VWF: variants seen among roughly 807,000 people sequenced by gnomAD.
The protein encoded by VWF is Factor VIII related antigen.
A neutral mutation model predicts 308.6 loss-of-function variants in VWF; 176 were observed. That is an observed-to-expected ratio of 0.57 (90% CI 0.50 to 0.65). VWF has a LOEUF of 0.65. Among genes scored for constraint, VWF ranks in the 30% least tolerant of loss-of-function variants. The pLI is 0.00. For missense variants in VWF, 3,146 were observed against 3,648.2 expected, an observed-to-expected ratio of 0.86 and a Z score of 3.55; for synonymous variants, 1,385 against 1,443.4, an observed-to-expected ratio of 0.96 and a Z score of 0.92.
intron 42 of VWF, among the ~76,000 whole-genome samples, chr12:5,980,040 CAAA>C (rs746870090): frequency 1.4e-5 from 1 of 69,950 alleles, no homozygotes. Context: ...GACTCCATCT[CAAA>C]AAAAAAAAAG....
intron 50 of VWF, among the ~76,000 whole-genome samples, chr12:5,950,089 A>AACTC (rs1943166684): frequency 6.6e-6 from 1 of 152,204 alleles, no homozygotes; most frequent in Admixed American, 6.5e-5. Flanking sequence ...TGCTGGACTT[A>AACTC]ACTCACTTAA....
chr12:6,043,806 T>C (rs1944417634), intron 18 of VWF, among the ~76,000 whole-genome samples: 1 of 152,232 alleles, frequency 6.6e-6, no homozygotes, highest in African/African-American at 2.4e-5. Flanking sequence ...AGTTTCATTG[T>C]GGGGAAGAGA....
Position 6,060,778 on chromosome 12 carries a change from C to T in VWF, c.1533+2176G>A, listed in dbSNP as rs899554898. On this transcript the variant is annotated intron_variant, in intron 13 of 51. Transcript: ENST00000261405. This position sits in a 1 kb window ranked among gnomAD's most constrained non-coding sequence, Gnocchi z 5.1. ...GCTTCTCTTCTCCTCAGGGGAGAGACAAAGACCAAAGAAACCTGAGGGGAG... is the reference window on the plus strand; with the variant it reads ...GCTTCTCTTCTCCTCAGGGGAGAGATAAAGACCAAAGAAACCTGAGGGGAG... Among the ~76,000 whole-genome samples, 2 of 152,056 alleles carry T rather than the reference C, an allele frequency of 1.3e-5. No homozygotes were observed. Among genetic ancestry groups the T allele is most frequent in the African/African-American group, 2.4e-5 (1 of 41,394 alleles).
chr12:6,054,447 A>C (rs1168186893), intron 15 of VWF, among the ~76,000 whole-genome samples: 1 of 152,214 alleles, frequency 6.6e-6, no homozygotes, highest in Admixed American at 6.5e-5. Context: ...TAGACTTGAG[A>C]ACTTTCTTTG....
chr12:6,123,050 T>C (rs1945448236), intron 2 of VWF, 92 bp downstream of exon 2: 1 of 1,523,416 alleles, frequency 6.6e-7, no homozygotes, highest in South Asian at 1.1e-5. Context: ...GGCACACAGG[T>C]GAGCTCCAGA....
chr12:6,115,333 C>A (rs117091936), intron 3 of VWF, among the ~76,000 whole-genome samples: 222 of 152,308 alleles, frequency 1.5e-3, no homozygotes, highest in Non-Finnish European at 2.1e-3. Context: ...GTAACTGTGT[C>A]CAGCCTGGCA....
At chr12:5,977,064 C>A (rs1943541643) in intron 42 of VWF, among the ~76,000 whole-genome samples, 1 of 152,214 alleles carries the variant, frequency 6.6e-6, no homozygotes. Flanking sequence ...TATCATTTAT[C>A]TTCTCAGTCT....
chr12:6,064,355 G>A lies in VWF; in HGVS notation c.1323C>T (p.Thr441=). 1 of 1,614,106 alleles carries A rather than the reference G, an allele frequency of 6.2e-7. No individual in the cohort carries two copies. Among genetic ancestry groups the A allele is most frequent in the Non-Finnish European group, 8.5e-7 (1 of 1,180,032 alleles). Residue 441 remains threonine, a synonymous_variant, in exon 12 of 52, where the codon ACC becomes ACT. Coordinates refer to ENST00000261405, the MANE Select transcript of VWF (RefSeq NM_000552.5). ...CAGGCAGCCGGACGGTGACGGAGCG[G>A]GTGCACACAGCGTCGCGGTCATCAG... ...QCADDRDAVC[T]RSVTVRLPGL...
chr12:6,011,814 A>T lies in VWF; in HGVS notation c.5665-20T>A. 1 of 1,579,836 alleles carries T rather than the reference A, an allele frequency of 6.3e-7. No individual in the cohort carries two copies. The highest frequency in any genetic ancestry group is 8.7e-7 in the Non-Finnish European group (1 of 1,150,352). On this transcript the variant is annotated intron_variant, in intron 33 of 51. Transcript: ENST00000261405. ...CCCGGGCTGCAGAAGAAAACAGCAG[A>T]TTCAGGCAGGGAATAAGATGAGGTA...
intron 5 of VWF, among the ~76,000 whole-genome samples, chr12:6,108,760 T>C (rs1945271613): frequency 6.6e-6 from 1 of 151,988 alleles, no homozygotes; most frequent in African/African-American, 2.4e-5. Flanking sequence ...GGGGGGCAGA[T>C]CACGAGGTCA....
chr12:5,958,170 G>C (rs1943270993), intron 47 of VWF, among the ~76,000 whole-genome samples: 1 of 152,082 alleles, frequency 6.6e-6, no homozygotes, highest in Admixed American at 6.5e-5. Flanking sequence ...AACAGAACAA[G>C]TAACAAAGAA....
At position 6,016,595 on chromosome 12, in the gene VWF, T is replaced by C. The variant is rs944845414; in HGVS notation, c.5232A>G (p.Pro1744=). ...QYGSITTIDV[P]WNVVPEKAHL... ...GGGCTTTCTCCGGGACCACGTTCCA[T>C]GGCACGTCAATGGTGGTGATGCTTC... Residue 1744 remains proline (P), a synonymous_variant, in exon 30 of 52, where the codon CCA becomes CCG. Coordinates refer to ENST00000261405, the MANE Select transcript of VWF (RefSeq NM_000552.5). The C allele has an allele frequency of 9.3e-6, 15 of 1,614,080 alleles. No homozygotes were observed. The highest frequency in any genetic ancestry group is 1.7e-5 in the Admixed American group (1 of 60,000).
chr12:5,966,648 T>G (rs551822572), intron 47 of VWF, among the ~76,000 whole-genome samples: 138 of 150,756 alleles, frequency 9.2e-4, no homozygotes, highest in Non-Finnish European at 2.5e-4. Flanking sequence ...CTCTCCACCT[T>G]GCTGCAGCCC....
chr12:6,064,435 C>T (rs756444122), intron 11 of VWF, 51 bp from the exon 12 acceptor site: 1 of 1,609,738 alleles, frequency 6.2e-7, no homozygotes, highest in South Asian at 1.1e-5. Context: ...GCCTATCCAG[C>T]TCCCCAGCCC....
At position 6,022,026 on chromosome 12, in the gene VWF, A is replaced by G; in HGVS notation, c.3548T>C (p.Leu1183Pro). The stretch of plus-strand genomic sequence containing the variant: ...AACGCAGGTCTGCAAAAGCTCATCC[A>G]GGATTTTCCCTGCAAAAGAAAGCTC... ...CHAHCPPGKI[L>P]DELLQTCVDP... The change falls in exon 27 of 52, where the codon CTG becomes CCG. Residue 1183 changes from leucine (L) to proline (P), a missense_variant. Around this residue, in one of 3 missense-constraint regions of VWF, gnomAD observed 853 missense variants for 1,177.8 expected, o/e 0.72. Coordinates refer to ENST00000261405, the MANE Select transcript of VWF (RefSeq NM_000552.5). The G allele has an allele frequency of 6.2e-7, 1 of 1,614,178 alleles. No homozygotes were observed. Among genetic ancestry groups the G allele is most frequent in the Admixed American group, 1.7e-5 (1 of 60,018 alleles).
In VWF at chr12:6,019,326, T is replaced by C. The variant is rs375193686; in HGVS notation, c.4092A>G (p.Thr1364=). Residue 1364 remains threonine, a synonymous_variant, in exon 28 of 52, where the codon ACA becomes ACG. Transcript: ENST00000261405. This position sits in a 1 kb window ranked among gnomAD's most constrained non-coding sequence, Gnocchi z 5.8. ...CGATCTTGCTGAAGATTTGGAACAG[T>C]GTGTATTTCAAGACCTCGCTGGTGG... ...VASTSEVLKY[T]LFQIFSKIDR... 3.1e-6 allele frequency: 5 copies of C among 1,613,622 alleles called. No individual in the cohort carries two copies. The highest frequency in any genetic ancestry group is 4.2e-6 in the Non-Finnish European group (5 of 1,179,836).
chr12:6,057,160 A>G (rs1944589239), intron 14 of VWF, 88 bp from the exon 15 acceptor site: 1 of 1,251,478 alleles, frequency 8.0e-7, no homozygotes, highest in African/African-American at 1.5e-5. Flanking sequence ...GAAATAGCCC[A>G]GTGCTGCTAA....
chr12:6,049,409 CA>C (rs1346064958), intron 16 of VWF, among the ~76,000 whole-genome samples: 2 of 152,168 alleles, frequency 1.3e-5, no homozygotes, highest in Non-Finnish European at 2.9e-5. Context: ...CCTGTTCACC[CA>C]GGGGCCAAGG....
In VWF at chr12:6,019,782, G is replaced by A. The variant is rs766910217; in HGVS notation, c.3675-39C>T. The A allele has an allele frequency of 3.2e-6, 5 of 1,574,474 alleles. No homozygotes were observed. Among genetic ancestry groups the A allele is most frequent in the Admixed American group, 1.9e-5 (1 of 53,032 alleles). On this transcript the variant is annotated intron_variant, in intron 27 of 51. Transcript: ENST00000261405. This position sits in a 1 kb window ranked among gnomAD's most constrained non-coding sequence, Gnocchi z 5.8. The stretch of plus-strand genomic sequence containing the variant: ...CGAAGAAATTAAAATGGTTCAGGAA[G>A]AACCTGTGGACACTTCTGAGCCCTA...
Sources: allele counts gnomAD v4.1 joint callset (sites outside exome capture counted in the v4.1 genomes callset), GRCh38; gene constraint gnomAD v4.1.1; regional missense constraint gnomAD v4.1.1; non-coding constraint Gnocchi (gnomAD v3.1); transcripts MANE v1.5; gene names NCBI Gene and HGNC (gene_info 2026-07-23, HGNC 2026-07-21).